Variants in TTN observed in about 807,000 individuals in gnomAD.
TTN encodes titin.
In TTN, 1,525 loss-of-function variants were observed where a neutral mutation model predicts 3,223.0. The observed-to-expected ratio is 0.47, with a 90% confidence interval of 0.45 to 0.49. The LOEUF (loss-of-function observed/expected upper bound fraction) is 0.49, where lower values mean the gene tolerates loss of function less well. Among genes scored for constraint, TTN ranks in the 20% least tolerant of loss-of-function variants. The pLI, the probability that TTN is intolerant of heterozygous loss-of-function variation, is 0.00. For missense variants in TTN, 40,786 were observed against 43,424.0 expected (o/e 0.94, Z 5.40); for synonymous variants, 14,094 against 15,161.0 (o/e 0.93, Z 5.17).
rs985328133 is a variant in TTN, at chr2:178,576,545, C to T, written c.69699G>A (p.Leu23233=). 1 of 1,613,176 alleles carries T rather than the reference C, an allele frequency of 6.2e-7. No individual in the cohort carries two copies. The highest frequency in any genetic ancestry group is 8.5e-7 in the Non-Finnish European group (1 of 1,179,566). Reference sequence around the variant, plus strand: ...AATACTAACATGCTGCATCTTTCATCAGAACAGAATCTGAAGCCTCACTGG... The same window carrying T: ...AATACTAACATGCTGCATCTTTCATTAGAACAGAATCTGAAGCCTCACTGG... The part of the protein sequence containing the change: ...GPPSEASDSV[L]MKDAAYPPGP... The change falls in exon 325 of 363, where the codon CTG becomes CTA. Residue 23233 remains leucine (L), a synonymous_variant. Transcript: ENST00000589042. This position sits in a 1 kb window ranked among gnomAD's most constrained non-coding sequence, Gnocchi z 4.3.
rs1238125586 is a variant in TTN at position 178,593,782 on chromosome 2, A to T, written c.58518T>A (p.Asp19506Glu). The T allele has an allele frequency of 2.6e-5, 42 of 1,613,166 alleles. No individual in the cohort carries two copies. The highest frequency in any genetic ancestry group is 3.6e-5 in the Non-Finnish European group (42 of 1,179,598). The change falls in exon 298 of 363, where the codon GAT (aspartate) becomes GAA (glutamate). Residue 19506 changes from aspartate (D) to glutamate (E), a missense_variant. Transcript: ENST00000589042. ...YMVISWKPPL[D>E]DGGSKITNYI... ...AATTGGTGATTTTACTGCCTCCATCATCTAAAGGAGGCTTCCAAGAGATAA... is the reference window on the plus strand; with the variant it reads ...AATTGGTGATTTTACTGCCTCCATCTTCTAAAGGAGGCTTCCAAGAGATAA...
At position 178,581,557 on chromosome 2, in the gene TTN, C is replaced by A; in HGVS notation, c.66711G>T (p.Lys22237Asn). The change falls in exon 316 of 363, where the codon AAG becomes AAT. Residue 22237 changes from lysine (K) to asparagine (N), a missense_variant. By Grantham distance (94) the Lys-to-Asn change is moderately conservative. Coordinates refer to ENST00000589042, the MANE Select transcript of TTN (RefSeq NM_001267550.2). ...QYQFRVYAVN[K>N]IGYSDPSDVP... ...CATCACTGGGGTCACTGTATCCAAT[C>A]TTATTAACGGCATACACACGGAATT... 6.2e-7 allele frequency: 1 copy of A among 1,612,208 alleles called. No individual in the cohort carries two copies. Among genetic ancestry groups the A allele is most frequent in the Non-Finnish European group, 8.5e-7 (1 of 1,178,848 alleles).
rs2057544665 is a variant in TTN at position 178,617,397 on chromosome 2, AATT to A, written c.47685_47687del (p.Ile15896del). On this transcript the variant is annotated inframe_deletion, in exon 254 of 363. Coordinates refer to ENST00000589042, the MANE Select transcript of TTN (RefSeq NM_001267550.2). The stretch of plus-strand genomic sequence containing the variant: ...TATCTTTTCCTTCTTCGCATCGCTC[AATT>A]ATATAGCCTAATATTGGGCTTCCTC... 3 of 1,591,338 alleles carry A rather than the reference AATT, an allele frequency of 1.9e-6. No individual in the cohort carries two copies. The highest frequency in any genetic ancestry group is 2.6e-6 in the Non-Finnish European group (3 of 1,171,586).
At chr2:178,749,448 T>C (rs1301208524) in intron 47 of TTN, 2 of 1,612,882 alleles carry the variant, frequency 1.2e-6, no homozygotes, top group Admixed American at 3.3e-5. Context: ...TTCTGGTCTA[T>C]TTGCTCAATA....
At chr2:178,794,771 A>G in intron 7 of TTN, 151 bp downstream of exon 7, 1 of 1,134,312 alleles carries the variant, frequency 8.8e-7, no homozygotes. Context: ...TTTACAAAGC[A>G]TGACTACTGA....
rs774526152 is a variant in TTN, at chr2:178,671,133, T to C, written c.35265A>G (p.Lys11755=). The change falls in exon 156 of 363, where the codon AAA becomes AAG. Residue 11755 remains lysine (K), a synonymous_variant. Transcript: ENST00000589042. ...TTCGAGGAACAACTTTAGTGGGCGGTTTTTTTGGAGGGATGATTTTCTCAG... is the reference window on the plus strand; with the variant it reads ...TTCGAGGAACAACTTTAGTGGGCGGCTTTTTTGGAGGGATGATTTTCTCAG... ...EISEKIIPPK[K]PPTKVVPRKE... is the part of the protein sequence containing the mutation. 10 of 1,601,422 alleles carry C rather than the reference T, an allele frequency of 6.2e-6. No individual in the cohort carries two copies. In the African/African-American group the frequency reaches 6.8e-5, roughly 11 times the overall value.
rs939911271 is a variant in TTN, at chr2:178,573,431, A to G, written c.72701T>C (p.Ile24234Thr). Residue 24234 changes from isoleucine to threonine, a missense_variant, in exon 326 of 363, where the codon ATT becomes ACT. Physicochemically the swap from Ile to Thr is moderately conservative, Grantham distance 89. Transcript: ENST00000589042. ...DPPKNPEVTT[I>T]TKDSMVVCWG... The stretch of plus-strand genomic sequence containing the variant: ...GCAGACAACCATCGAATCTTTAGTA[A>G]TAGTTGTCACTTCAGGGTTTTTGGG... The G allele has an allele frequency of 1.3e-6, 2 of 1,518,706 alleles. No homozygotes were observed. Among genetic ancestry groups the G allele is most frequent in the Non-Finnish European group, 1.8e-6 (2 of 1,136,706 alleles). The allele number at this position is 1,518,706 out of a possible 1,614,324, so 94.1% of individuals were successfully genotyped here.
rs1471919203 is a variant in TTN at position 178,609,737 on chromosome 2, C to A, written c.51686G>T (p.Gly17229Val). Residue 17229 changes from glycine to valine, a missense_variant, in exon 272 of 363, where the codon GGT becomes GTT. Coordinates refer to ENST00000589042, the MANE Select transcript of TTN (RefSeq NM_001267550.2). ...AGTAGCCCGAGAAGGTTCACTAATA[C>A]CCGCGGCGTTCTCTGCTCGCACACG... is the stretch of plus-strand genomic sequence containing the variant. Reference protein sequence around the residue: ...QFRVRAENAAGISEPSRATPP... With the variant: ...QFRVRAENAAVISEPSRATPP... 3 of 1,611,652 alleles carry A rather than the reference C, an allele frequency of 1.9e-6. No individual in the cohort carries two copies. Among genetic ancestry groups the A allele is most frequent in the South Asian group, 1.1e-5 (1 of 90,836 alleles).
At position 178,590,856 on chromosome 2, in the gene TTN, A is replaced by G. The variant is rs550655820; in HGVS notation, c.60869T>C (p.Val20290Ala). The G allele has an allele frequency of 4.2e-5, 67 of 1,609,794 alleles. No individual in the cohort carries two copies. The highest frequency in any genetic ancestry group is 5.6e-5 in the Non-Finnish European group (66 of 1,176,664). ...ATCAGATTTTGGCAGGGTCCAAGAC[A>G]CTGTTGCTGCATTTTCAGTAATGTC... ...VTDITENAATVSWTLPKSDGG... is the reference protein window; with the variant it reads ...VTDITENAATASWTLPKSDGG... Residue 20290 changes from valine (V) to alanine (A), a missense_variant, in exon 304 of 363, where the codon GTG becomes GCG. Val to Ala is a moderately conservative substitution (Grantham distance 64). Coordinates refer to ENST00000589042, the MANE Select transcript of TTN (RefSeq NM_001267550.2).
rs778385749 is a variant in TTN at position 178,564,606 on chromosome 2, G to T, written c.81526C>A (p.Arg27176Ser). 6.2e-7 allele frequency: 1 copy of T among 1,613,422 alleles called. No homozygotes were observed. The highest frequency in any genetic ancestry group is 2.2e-5 in the East Asian group (1 of 44,746). ...CTTGTAATAACAATGGCTTCAGGGC[G>T]ACCAGGTGGGTCACATGGATCACGA... ...VARDPCDPPGRPEAIVITRNN... is the reference protein window; with the variant it reads ...VARDPCDPPGSPEAIVITRNN... The change falls in exon 326 of 363, where the codon CGC (arginine) becomes AGC (serine). Residue 27176 changes from arginine (R) to serine (S), a missense_variant. Physicochemically the swap from Arg to Ser is moderately radical, Grantham distance 110. Transcript: ENST00000589042.
In TTN at chr2:178,645,931, A is replaced by G. The variant is rs1333193924; in HGVS notation, c.40397T>C (p.Phe13466Ser). The change falls in exon 217 of 363, where the codon TTC (phenylalanine) becomes TCC (serine). Residue 13466 changes from phenylalanine to serine, a missense_variant. By Grantham distance (155) the Phe-to-Ser change is radical. Transcript: ENST00000589042. ...GTGGCATTTTTTACCTTTAAGTTGG[A>G]ATATTTTCTCCTTCACATCTTCCTT... ...PPKEDVKEKI[F>S]QLKAIPKKKV... The G allele has an allele frequency of 1.9e-6, 3 of 1,574,862 alleles. No homozygotes were observed. The highest frequency in any genetic ancestry group is 2.6e-6 in the Non-Finnish European group (3 of 1,161,878).
Position 178,607,128 on chromosome 2 carries a change from G to A in TTN, c.53474C>T (p.Thr17825Ile), listed in dbSNP as rs2055078355. Residue 17825 changes from threonine to isoleucine, a missense_variant, in exon 278 of 363, where the codon ACA becomes ATA. Thr to Ile is a moderately conservative substitution (Grantham distance 89). Coordinates refer to ENST00000589042, the MANE Select transcript of TTN (RefSeq NM_001267550.2). ...IETERSKCDI[T>I]GLLEGQEYKF... ...ATATTCTTGTCCCTCAAGCAGACCT[G>A]TGATGTCACATTTAGATCTCTCAGT... is the stretch of plus-strand genomic sequence containing the variant. 6.2e-7 allele frequency: 1 copy of A among 1,612,892 alleles called. No individual in the cohort carries two copies. The highest frequency in any genetic ancestry group is 8.5e-7 in the Non-Finnish European group (1 of 1,179,266).
rs1391598781 is a variant in TTN, at chr2:178,740,915, C to G, written c.12318G>C (p.Gln4106His). The G allele has an allele frequency of 1.9e-6, 3 of 1,613,774 alleles. No homozygotes were observed. The highest frequency in any genetic ancestry group is 2.5e-6 in the Non-Finnish European group (3 of 1,179,840). ...HIAKANELSSQLPLGAQELQS... is the reference protein window; with the variant it reads ...HIAKANELSSHLPLGAQELQS... ...GCAATTCCTGAGCTCCCAAAGGAAG[C>G]TGACTGCTCAATTCATTGGCTTTAG... Residue 4106 changes from glutamine to histidine, a missense_variant, in exon 48 of 363, where the codon CAG (glutamine) becomes CAC (histidine). Gln to His is a conservative substitution (Grantham distance 24). Coordinates refer to ENST00000589042, the MANE Select transcript of TTN (RefSeq NM_001267550.2).
At chr2:178,716,040 CAA>C (rs2077433465) in intron 88 of TTN, among the ~76,000 whole-genome samples, 1 of 152,066 alleles carries the variant, frequency 6.6e-6, no homozygotes, top group Admixed American at 6.6e-5. Context: ...CTCTCCCCAG[CAA>C]AAGAGTCCCT....
At position 178,594,429 on chromosome 2, in the gene TTN, A is replaced by G. The variant is rs2154187228; in HGVS notation, c.58065T>C (p.Tyr19355=). The G allele has an allele frequency of 6.2e-7, 1 of 1,612,884 alleles. No individual in the cohort carries two copies. The highest frequency in any genetic ancestry group is 2.2e-5 in the East Asian group (1 of 44,738). ...TGTTGACAGCACTGACACGGTACTC[A>G]TAGGTATCACCTTCTTTTAAGCCTT... is the stretch of plus-strand genomic sequence containing the variant. ...TVKGLKEGDT[Y]EYRVSAVNIV... The change falls in exon 296 of 363, where the codon TAT becomes TAC. Residue 19355 remains tyrosine, a synonymous_variant. Transcript: ENST00000589042.
At position 178,719,379 on chromosome 2, in the gene TTN, A is replaced by C. The variant is rs1274821392; in HGVS notation, c.24011T>G (p.Leu8004Trp). The C allele has an allele frequency of 4.3e-6, 7 of 1,613,666 alleles. No homozygotes were observed. In the Admixed American group the frequency reaches 1.0e-4, roughly 23 times the overall value. The change falls in exon 83 of 363, where the codon TTG becomes TGG. Residue 8004 changes from leucine (L) to tryptophan (W), a missense_variant. Leu to Trp is a moderately conservative substitution (Grantham distance 61). Transcript: ENST00000589042. ...VNAILGASVV[L>W]ECRVSGSAPI... ...GGCTGAGCCAGAGACTCGGCACTCC[A>C]AAACAACTGAGGCCCCCAGGATGGC...
rs2078969051 is a variant in TTN, at chr2:178,724,346, A to G, written c.21029T>C (p.Val7010Ala). The change falls in exon 72 of 363, where the codon GTT (valine) becomes GCT (alanine). Residue 7010 changes from valine to alanine, a missense_variant. Transcript: ENST00000589042. Reference protein sequence around the residue: ...NKISSLRILSVERQDAGTYTF... With the variant: ...NKISSLRILSAERQDAGTYTF... Reference sequence around the variant, plus strand: ...GTATGTGCCTGCATCTTGCCTTTCAACTGAGAGAATCCTTAAGGAAGAGAT... The same window carrying G: ...GTATGTGCCTGCATCTTGCCTTTCAGCTGAGAGAATCCTTAAGGAAGAGAT... 6.2e-7 allele frequency: 1 copy of G among 1,613,604 alleles called. No homozygotes were observed. Among genetic ancestry groups the G allele is most frequent in the South Asian group, 1.1e-5 (1 of 91,076 alleles).
Position 178,575,830 on chromosome 2 carries a change from G to C in TTN, c.70302C>G (p.Asp23434Glu). Residue 23434 changes from aspartate (D) to glutamate (E), a missense_variant, in exon 326 of 363, where the codon GAC (aspartate) becomes GAG (glutamate). Coordinates refer to ENST00000589042, the MANE Select transcript of TTN (RefSeq NM_001267550.2). The surrounding 1 kb of genome is among the most constrained non-coding windows in gnomAD (Gnocchi z 4.0). ...GCAGGTTGAGGACTGGGCCTGGCGT[G>C]TCCAAGACTCTGACGTTCACAAAGC... ...KSGFVNVRVL[D>E]TPGPVLNLRP... The C allele has an allele frequency of 6.2e-7, 1 of 1,613,530 alleles. No homozygotes were observed.
Position 178,574,198 on chromosome 2 carries a change from G to A in TTN, c.71934C>T (p.Asn23978=), listed in dbSNP as rs1307721803. 1 of 1,613,468 alleles carries A rather than the reference G, an allele frequency of 6.2e-7. No individual in the cohort carries two copies. Among genetic ancestry groups the A allele is most frequent in the South Asian group, 1.1e-5 (1 of 91,076 alleles). The change falls in exon 326 of 363, where the codon AAC becomes AAT. Residue 23978 remains asparagine, a synonymous_variant. Transcript: ENST00000589042. ...TGACTGTAAATTCATTCTCCAAAAT[G>A]TTGCTGAAGTTGGCCTTCAGCCACC... is the stretch of plus-strand genomic sequence containing the variant. ...NGRWLKANFS[N]ILENEFTVSG... is the part of the protein sequence containing the mutation.
Sources: allele counts gnomAD v4.1 joint callset (sites outside exome capture counted in the v4.1 genomes callset), GRCh38; gene constraint gnomAD v4.1.1; non-coding constraint Gnocchi (gnomAD v3.1); transcripts MANE v1.5; gene names NCBI Gene and HGNC (gene_info 2026-07-23, HGNC 2026-07-21).